Variants in DLGAP2 observed in about 807,000 individuals in gnomAD.
DLGAP2 encodes the protein DLG associated protein 2, also known as disks large-associated protein 2.
Under a neutral mutation model 100.3 loss-of-function variants are expected in DLGAP2, and 26 were observed. The ratio of observed to expected loss-of-function variants is 0.26; its 90% CI spans 0.19 to 0.36. DLGAP2 has a LOEUF of 0.36. DLGAP2 is among the 10% of genes least tolerant of loss of function. The pLI, the probability that DLGAP2 is intolerant of heterozygous loss-of-function variation, is 1.00. For synonymous variants in DLGAP2, 886 were observed against 630.1 expected (o/e 1.41, Z -6.08); for missense variants, 1,858 against 1,453.2 (o/e 1.28, Z -4.53).
rs906116932 is a variant in DLGAP2 at position 1,100,362 on chromosome 8, G to C, written c.74-158489G>C. Among the ~76,000 whole-genome samples, 6 of 151,892 alleles carry C rather than the reference G, an allele frequency of 4.0e-5. No homozygotes were observed. The East Asian group carries it at 9.7e-4, about 24-fold the overall frequency. On this transcript the variant is annotated intron_variant, in intron 2 of 14. Coordinates refer to ENST00000637795, the MANE Select transcript of DLGAP2 (RefSeq NM_001346810.2). Reference sequence around the variant, plus strand: ...TACAGCGTGTGTAGGGAAAACCTTTGTCCAGCATGTCCACAGTGTATAATG... The same window carrying C: ...TACAGCGTGTGTAGGGAAAACCTTTCTCCAGCATGTCCACAGTGTATAATG...
chr8:984,246 C>G (rs1436710096), intron 2 of DLGAP2, among the ~76,000 whole-genome samples: 1 of 152,220 alleles, frequency 6.6e-6, no homozygotes, highest in Non-Finnish European at 1.5e-5. Flanking sequence ...CTTTGTCAGC[C>G]TGTTTTCTTC....
intron 3 of DLGAP2, among the ~76,000 whole-genome samples, chr8:1,361,507 C>T (rs1289829389): frequency 5.9e-5 from 9 of 152,206 alleles, no homozygotes; most frequent in Admixed American, 2.6e-4. Context: ...AGGTAGCCGT[C>T]TGGTGCTGAG....
chr8:990,306 C>T (rs1268751712), intron 2 of DLGAP2, among the ~76,000 whole-genome samples: 2 of 148,676 alleles, frequency 1.3e-5, no homozygotes, highest in Non-Finnish European at 3.0e-5. Flanking sequence ...ATGAAAGTGG[C>T]CCAGACCCCC....
At chr8:1,492,436 A>G (rs1247266323) in intron 3 of DLGAP2, among the ~76,000 whole-genome samples, 1 of 152,236 alleles carries the variant, frequency 6.6e-6, no homozygotes, top group Non-Finnish European at 1.5e-5. Flanking sequence ...GAATCTAGAA[A>G]TGGGGCAAGC....
intron 8 of DLGAP2, among the ~76,000 whole-genome samples, chr8:1,641,566 G>T (rs1398400386): frequency 1.3e-5 from 2 of 152,134 alleles, no homozygotes; most frequent in African/African-American, 4.8e-5. Context: ...GGCTCTTGCA[G>T]TTGACAACGA....
At chr8:1,452,805 G>A (rs1584919051) in intron 3 of DLGAP2, among the ~76,000 whole-genome samples, 1 of 152,130 alleles carries the variant, frequency 6.6e-6, no homozygotes, top group Admixed American at 6.5e-5. Flanking sequence ...TCTTAGAAAC[G>A]CAGGTCTATG....
rs377104987 is a variant in DLGAP2 at position 1,364,504 on chromosome 8, G to GC, written c.106+105621_106+105622insC. Among the ~76,000 whole-genome samples, 157 of 150,464 alleles carry GC rather than the reference G, an allele frequency of 1.0e-3. 1 individual carries two copies. Among genetic ancestry groups the GC allele is most frequent in the African/African-American group, 3.4e-3 (138 of 40,916 alleles). On this transcript the variant is annotated intron_variant, in intron 3 of 14. Transcript: ENST00000637795. ...GCGGGCGCCGGTCATGGGAAGGGCGGGGGGGGTGCAGCGAAGCAGACACAT... is the reference window on the plus strand; with the variant it reads ...GCGGGCGCCGGTCATGGGAAGGGCGGCGGGGGGTGCAGCGAAGCAGACACAT...
intron 3 of DLGAP2, among the ~76,000 whole-genome samples, chr8:1,278,472 C>G (rs758046253): frequency 2.6e-5 from 4 of 152,122 alleles, no homozygotes; most frequent in African/African-American, 4.8e-5. Flanking sequence ...CAATTAAATC[C>G]TTATGCTAAC....
chr8:1,187,316 C>T (rs1797526866), intron 2 of DLGAP2, among the ~76,000 whole-genome samples: 3 of 150,436 alleles, frequency 2.0e-5, no homozygotes, highest in Admixed American at 1.3e-4. Context: ...ACCTCTGTGA[C>T]ATTTCCCTCA....
intron 5 of DLGAP2, among the ~76,000 whole-genome samples, chr8:1,565,227 T>G (rs2404632): frequency 0.59 from 89,463 of 151,978 alleles, 27,133 homozygotes; most frequent in African/African-American, 0.74. Context: ...GGCTTCTAGA[T>G]TTAAAACCGT....
In DLGAP2 at chr8:1,377,432, T is replaced by C. The variant is rs555246706; in HGVS notation, c.106+118549T>C. Among the ~76,000 whole-genome samples, 8 of 152,286 alleles carry C rather than the reference T, an allele frequency of 5.3e-5. No individual in the cohort carries two copies. The East Asian group carries it at 1.5e-3, about 29-fold the overall frequency. On this transcript the variant is annotated intron_variant, in intron 3 of 14. Coordinates refer to ENST00000637795, the MANE Select transcript of DLGAP2 (RefSeq NM_001346810.2). ...GGTGGCAGGCGCCTATAGTCGCAGC[T>C]ACTCTGGAGGCTGAGACAGGATAAT...
At chr8:879,958 C>G (rs1407227966) in intron 1 of DLGAP2, among the ~76,000 whole-genome samples, 1 of 152,206 alleles carries the variant, frequency 6.6e-6, no homozygotes, top group Non-Finnish European at 1.5e-5. Flanking sequence ...TCCCTCGAGT[C>G]TGCAGCCTCC....
At chr8:1,054,235 C>G (rs548296788) in intron 2 of DLGAP2, among the ~76,000 whole-genome samples, 71 of 151,914 alleles carry the variant, frequency 4.7e-4, no homozygotes, top group Non-Finnish European at 8.7e-4. Flanking sequence ...CACATGTATG[C>G]ACATGTACAC....
chr8:1,199,450 G>A (rs914278621), intron 2 of DLGAP2, among the ~76,000 whole-genome samples: 3 of 152,146 alleles, frequency 2.0e-5, no homozygotes, highest in African/African-American at 4.8e-5. Flanking sequence ...TAAAATGTTG[G>A]ATAAAAGTAG....
Position 934,634 on chromosome 8 carries a change from G to A in DLGAP2, c.73+26668G>A, listed in dbSNP as rs527253210. Among the ~76,000 whole-genome samples, 286 of 152,204 alleles carry A rather than the reference G, an allele frequency of 1.9e-3. 1 individual carries two copies. Among genetic ancestry groups the A allele is most frequent in the Admixed American group, 3.5e-3 (53 of 15,300 alleles). On this transcript the variant is annotated intron_variant, in intron 2 of 14. Coordinates refer to ENST00000637795, the MANE Select transcript of DLGAP2 (RefSeq NM_001346810.2). ...GCTATTCCCGGCTTGTGGTGGGGAC[G>A]GTGGAGGCAGAGCGGGCACTGGGTG...
intron 3 of DLGAP2, among the ~76,000 whole-genome samples, chr8:1,350,335 GTGCGGGTCCTGACAGTGTGTGGAAAGGC>G (rs1477432443): frequency 3.2e-5 from 3 of 93,772 alleles, no homozygotes; most frequent in African/African-American, 1.1e-4. Flanking sequence ...TGGAAAGGCC[GTGCGGGTCCTGACAGTGTGTGGAAAGGC>G]CGCGTGGGTC....
intron 2 of DLGAP2, among the ~76,000 whole-genome samples, chr8:1,204,467 T>C (rs6558427): frequency 0.57 from 85,985 of 152,066 alleles, 26,666 homozygotes; most frequent in African/African-American, 0.83. Flanking sequence ...GTGTGTGGTC[T>C]TGAGCAACTT....
intron 2 of DLGAP2, among the ~76,000 whole-genome samples, chr8:1,065,064 G>A (rs966339149): frequency 6.6e-6 from 1 of 152,174 alleles, no homozygotes; most frequent in East Asian, 1.9e-4. Flanking sequence ...ACCAAACAGC[G>A]TGCCCAGGGG....
At position 1,417,655 on chromosome 8, in the gene DLGAP2, TCCTGCCTCACTCCGCGAGGCTCCAGG is replaced by T. The variant is rs1360943687; in HGVS notation, c.107-83710_107-83685del. On this transcript the variant is annotated intron_variant, in intron 3 of 14. Transcript: ENST00000637795. ...TCCAGGGGGGCACGGGGAGCCCCAC[TCCTGCCTCACTCCGCGAGGCTCCAGG>T]GGGGCACAGGGGGCCCCACTCCTGC... Among the ~76,000 whole-genome samples the T allele has an allele frequency of 8.9e-4, 131 of 147,022 alleles. 16 individuals carry two copies. Among genetic ancestry groups the T allele is most frequent in the Middle Eastern group, 7.4e-3 (2 of 270 alleles).
Sources: allele counts gnomAD v4.1 joint callset (sites outside exome capture counted in the v4.1 genomes callset), GRCh38; gene constraint gnomAD v4.1.1; transcripts MANE v1.5; gene names NCBI Gene and HGNC (gene_info 2026-07-23, HGNC 2026-07-21).